Variants in KRT26 observed in about 807,000 individuals in gnomAD.
KRT26 encodes keratin, type I cytoskeletal 26.
In KRT26, 45 loss-of-function variants were observed where a neutral mutation model predicts 46.1. The ratio of observed to expected loss-of-function variants is 0.98; its 90% CI spans 0.77 to 1.25. The LOEUF (loss-of-function observed/expected upper bound fraction) is 1.25. KRT26 is among the 50% of genes most tolerant of loss of function. KRT26 has a pLI of 0.00. For missense variants in KRT26, 582 were observed against 560.1 expected (o/e 1.04, Z -0.39); for synonymous variants, 191 against 209.9 (o/e 0.91, Z 0.78).
intron 5 of KRT26, 44 bp from the exon 6 acceptor site, chr17:40,769,140 T>C: frequency 1.6e-6 from 2 of 1,224,822 alleles, no homozygotes; most frequent in Non-Finnish European, 2.4e-6. Flanking sequence ...AAAAGAGAAA[T>C]GGCATGGTCA....
chr17:40,767,679 C>T lies in KRT26; in HGVS notation c.1188-26G>A, dbSNP rs202205967. The T allele has an allele frequency of 2.3e-4, 329 of 1,427,726 alleles. 2 individuals are homozygous for T. The African/African-American group carries it at 4.0e-3, about 17-fold the overall frequency. The allele number at this position is 1,427,726 out of a possible 1,614,324, so 88.4% of individuals were successfully genotyped here. On this transcript the variant is annotated intron_variant, in intron 6 of 7. Coordinates refer to ENST00000335552, the Ensembl canonical transcript of KRT26. ...CTGTGAAGAGAAGAGTAAATTATTG[C>T]ATTTTTTTTTCTTTCCTTAGTGAGC...
chr17:40,771,293 A>C (rs756451911), intron 1 of KRT26, 57 bp from the exon 2 acceptor site: 24 of 885,430 alleles, frequency 2.7e-5, no homozygotes, highest in South Asian at 2.6e-4. Context: ...GAGGCTCCAG[A>C]CTTCAGTGTG....
intron 1 of KRT26, 140 bp downstream of exon 1, chr17:40,771,533 G>A: frequency 1.4e-6 from 1 of 707,558 alleles, no homozygotes; most frequent in South Asian, 2.0e-5. Context: ...TTATTGCCAG[G>A]TACTGTGCTT....
At chr17:40,767,325 T>TA (rs2038179824) in intron 7 of KRT26, among the ~76,000 whole-genome samples, 1 of 152,230 alleles carries the variant, frequency 6.6e-6, no homozygotes, top group Non-Finnish European at 1.5e-5. Context: ...GTATTGAAAC[T>TA]ATGAAAGATA....
rs1349408805 is a variant in KRT26, at chr17:40,766,707, C to T, written c.1256-41G>A. The T allele has an allele frequency of 4.7e-6, 7 of 1,487,190 alleles. 1 individual carries two copies. The South Asian group carries it at 8.1e-5, about 17-fold the overall frequency. 92.1% of individuals were successfully genotyped at this position (1,487,190 alleles called of 1,614,324 possible). A position where few individuals can be genotyped will look rare whatever the true frequency, so the allele number is the denominator to read the frequency against. On this transcript the variant is annotated intron_variant, in intron 7 of 7. Transcript: ENST00000335552. Reference sequence around the variant, plus strand: ...TAAAACATTAGTGGTCATTTTTTAACAGGTTGAAAAGTAGCCATAATAGGT... The same window carrying T: ...TAAAACATTAGTGGTCATTTTTTAATAGGTTGAAAAGTAGCCATAATAGGT...
chr17:40,768,774 G>A, intron 6 of KRT26, 105 bp downstream of exon 6: 1 of 604,566 alleles, frequency 1.7e-6, no homozygotes, highest in Non-Finnish European at 2.8e-6. Context: ...AAATATGTAT[G>A]ATCTCCAGAG....
chr17:40,769,993 G>A (rs578121706), exon 4 of KRT26: 12 of 1,614,132 alleles, frequency 7.4e-6, no homozygotes, highest in African/African-American at 2.7e-5. Flanking sequence ...GCATCTTTGC[G>A]GTTCTGCTCA....
At chr17:40,768,282 C>T (rs2038186920) in intron 6 of KRT26, among the ~76,000 whole-genome samples, 1 of 152,190 alleles carries the variant, frequency 6.6e-6, no homozygotes, top group Admixed American at 6.5e-5. Flanking sequence ...GAGCTCTTTA[C>T]CTATGTAGTG....
chr17:40,769,156 T>G (rs2038196697), intron 5 of KRT26, 60 bp from the exon 6 acceptor site: 1 of 1,074,278 alleles, frequency 9.3e-7, no homozygotes. Flanking sequence ...GGTCATCTTA[T>G]ATTATTTTAT....
exon 5 of KRT26, chr17:40,769,878 C>T (rs775078383): frequency 1.4e-5 from 22 of 1,614,198 alleles, no homozygotes; most frequent in Admixed American, 3.3e-5. Context: ...CAGCGTTGCA[C>T]TCTGAAGTGT....
chr17:40,771,313 C>A, intron 1 of KRT26, 77 bp from the exon 2 acceptor site: 2 of 742,822 alleles, frequency 2.7e-6, no homozygotes, highest in Admixed American at 2.5e-5. Flanking sequence ...GATTTTATAT[C>A]TTCTTAATCT....
intron 2 of KRT26, among the ~76,000 whole-genome samples, 153 bp downstream of exon 2, chr17:40,771,001 C>G (rs775301237): frequency 6.6e-6 from 1 of 152,164 alleles, no homozygotes; most frequent in Non-Finnish European, 1.5e-5. Flanking sequence ...CATGATAGCT[C>G]TTTTTATAAC....
Position 40,767,668 on chromosome 17 carries a change from G to A in KRT26, c.1188-15C>T. 1 of 1,512,402 alleles carries A rather than the reference G, an allele frequency of 6.6e-7. No homozygotes were observed. The highest frequency in any genetic ancestry group is 9.1e-7 in the Non-Finnish European group (1 of 1,098,436). 93.7% of individuals were successfully genotyped at this position (1,512,402 alleles called of 1,614,324 possible). On this transcript the variant is annotated splice_polypyrimidine_tract_variant and intron_variant, in intron 6 of 7. Coordinates refer to ENST00000335552, the Ensembl canonical transcript of KRT26. ...ATTTGCTTTTTCTGTGAAGAGAAGA[G>A]TAAATTATTGCATTTTTTTTTCTTT...
chr17:40,769,155 A>C, intron 5 of KRT26, 59 bp from the exon 6 acceptor site: 6 of 1,080,306 alleles, frequency 5.6e-6, no homozygotes, highest in Non-Finnish European at 8.2e-6. Context: ...TGGTCATCTT[A>C]TATTATTTTA....
At chr17:40,771,711 T>A (rs748518073) in exon 1 of KRT26, 34 of 1,614,134 alleles carry the variant, frequency 2.1e-5, no homozygotes, top group Admixed American at 6.7e-5. Flanking sequence ...AAGTATCTGC[T>A]ATAGTCATGA....
Position 40,771,980 on chromosome 17 carries a change from CA to C in KRT26, c.133del (p.Cys45ValfsTer41), listed in dbSNP as rs1352606838. ...TCCAGAAGAGATGCCCTCAAGAGTA[CA>C]AGAAAAGCTGCTTCTTGCTCCCGAT... On this transcript the variant is annotated frameshift_variant, in exon 1 of 8. Transcript: ENST00000335552. LOFTEE classifies it high-confidence loss of function. The C allele has an allele frequency of 1.6e-5, 26 of 1,614,062 alleles. No homozygotes were observed. The highest frequency in any genetic ancestry group is 2.1e-5 in the Non-Finnish European group (25 of 1,180,044).
At chr17:40,770,838 C>T (rs1348626388) in intron 2 of KRT26, among the ~76,000 whole-genome samples, 1 of 152,124 alleles carries the variant, frequency 6.6e-6, no homozygotes, top group Non-Finnish European at 1.5e-5. Context: ...GAGTGAGCCA[C>T]CATGCCTGAC....
In KRT26 at chr17:40,766,632, A is replaced by G. The variant is rs777401004; in HGVS notation, c.1290T>C (p.Val430=). The G allele has an allele frequency of 6.8e-6, 11 of 1,612,996 alleles. No homozygotes were observed. The Admixed American group carries it at 1.8e-4, about 27-fold the overall frequency. Residue 430 remains valine, a synonymous_variant, in exon 8 of 8, where the codon GTT becomes GTC. Transcript: ENST00000335552. ...GATTGCCAATTTGATCCAGTTCCTC[A>G]ACCACTGTTTTAACAATAGTTTCTT... is the stretch of plus-strand genomic sequence containing the variant.
At chr17:40,767,282 T>C (rs1396093651) in intron 7 of KRT26, among the ~76,000 whole-genome samples, 4 of 152,238 alleles carry the variant, frequency 2.6e-5, no homozygotes, top group Non-Finnish European at 5.9e-5. Flanking sequence ...GCCCGATTTT[T>C]GTGGTTTAAG....
Sources: allele counts gnomAD v4.1 joint callset (sites outside exome capture counted in the v4.1 genomes callset), GRCh38; gene constraint gnomAD v4.1.1; transcripts MANE v1.5; gene names NCBI Gene and HGNC (gene_info 2026-07-23, HGNC 2026-07-21).